Variants in LARGE1 observed in about 807,000 individuals in gnomAD.
LARGE1 encodes the protein LARGE xylosyl- and glucuronyltransferase 1.
A neutral mutation model predicts 87.6 loss-of-function variants in LARGE1; 43 were observed. The observed-to-expected ratio is 0.49, with a 90% CI of 0.38 to 0.63. The LOEUF (loss-of-function observed/expected upper bound fraction) is 0.63. LARGE1 is among the 30% of genes least tolerant of loss of function. LARGE1 has a pLI of 0.00. For missense variants in LARGE1, 802 were observed against 1,000.2 expected (o/e 0.80, Z 2.67); for synonymous variants, 434 against 394.6 (o/e 1.10, Z -1.18).
At chr22:33,757,899 C>T (rs962377652) in intron 2 of LARGE1, among the ~76,000 whole-genome samples, 5 of 152,136 alleles carry the variant, frequency 3.3e-5, no homozygotes, top group African/African-American at 1.2e-4. Context: ...GGAGGCATTG[C>T]CTTTGTGTTC....
intron 7 of LARGE1, among the ~76,000 whole-genome samples, chr22:33,431,085 T>TC (rs2067063586): frequency 6.6e-6 from 1 of 152,146 alleles, no homozygotes; most frequent in African/African-American, 2.4e-5. Context: ...CTGACAAAGA[T>TC]CAGGAGTCTG....
chr22:33,556,311 GT>G (rs1046863923), intron 6 of LARGE1, among the ~76,000 whole-genome samples: 3 of 151,886 alleles, frequency 2.0e-5, no homozygotes, highest in Non-Finnish European at 2.9e-5. Context: ...GACTTAAAGA[GT>G]TTTATGAAGG....
the LARGE1 span, among the ~76,000 whole-genome samples, chr22:33,095,218 A>T: frequency 2.0e-5 from 3 of 152,224 alleles, no homozygotes; most frequent in Non-Finnish European, 4.4e-5. Flanking sequence ...GGAGGCTAGA[A>T]GTGCTAAAAT....
At chr22:33,619,565 A>G (rs940322529) in intron 4 of LARGE1, among the ~76,000 whole-genome samples, 39 of 151,544 alleles carry the variant, frequency 2.6e-4, no homozygotes, top group Non-Finnish European at 4.0e-4. Context: ...AAAAAAAAAA[A>G]AAAAAAGAAA....
chr22:33,360,153 A>C (rs2064332539), intron 9 of LARGE1, among the ~76,000 whole-genome samples: 1 of 149,334 alleles, frequency 6.7e-6, no homozygotes, highest in South Asian at 2.2e-4. Flanking sequence ...TCTCTATTAA[A>C]AATACAAAAA....
At chr22:33,662,986 T>C (rs1363270114) in intron 2 of LARGE1, among the ~76,000 whole-genome samples, 1 of 152,176 alleles carries the variant, frequency 6.6e-6, no homozygotes, top group African/African-American at 2.4e-5. Context: ...TTGACTTACA[T>C]TAAAGTTATA....
intron 6 of LARGE1, among the ~76,000 whole-genome samples, chr22:33,533,947 C>A (rs1461921575): frequency 6.8e-6 from 1 of 148,096 alleles, no homozygotes; most frequent in Admixed American, 6.7e-5. Context: ...CTATCCATTT[C>A]TTTATTTTTT....
chr22:33,362,143 TC>T, intron 9 of LARGE1, among the ~76,000 whole-genome samples: 1 of 149,210 alleles, frequency 6.7e-6, no homozygotes, highest in South Asian at 2.2e-4. Context: ...CTTGGGCCCT[TC>T]CCTTCTCTTT....
At chr22:33,905,847 G>A (rs551906244) in intron 1 of LARGE1, among the ~76,000 whole-genome samples, 44 of 152,206 alleles carry the variant, frequency 2.9e-4, no homozygotes, top group Admixed American at 7.2e-4. Flanking sequence ...AGGGAGGACA[G>A]GGCCTGGTGC....
intron 11 of LARGE1, among the ~76,000 whole-genome samples, chr22:33,203,066 A>ACTCTCTCTCTCTCTCTCTCT (rs35446457): frequency 6.5e-5 from 9 of 139,378 alleles, no homozygotes; most frequent in South Asian, 2.5e-4. Flanking sequence ...TAGAATCTAA[A>ACTCTCTCTCTCTCTCTCTCT]CTCTCTCTCT....
At chr22:33,854,434 C>T (rs915190428) in intron 1 of LARGE1, among the ~76,000 whole-genome samples, 8 of 152,158 alleles carry the variant, frequency 5.3e-5, no homozygotes, top group Non-Finnish European at 1.0e-4. Flanking sequence ...GACCTTTCAC[C>T]ATCGGCTCAC....
chr22:33,848,587 A>G (rs1273081799), intron 1 of LARGE1, among the ~76,000 whole-genome samples: 1 of 152,060 alleles, frequency 6.6e-6, no homozygotes, highest in East Asian at 1.9e-4. Context: ...CTCTTCCTGA[A>G]GCCGCGTTGT....
At position 33,888,599 on chromosome 22, in the gene LARGE1, T is replaced by C. The variant is rs778133224; in HGVS notation, c.-83+31396A>G. Among the ~76,000 whole-genome samples, 3 of 152,334 alleles carry C rather than the reference T, an allele frequency of 2.0e-5. No homozygotes were observed. The East Asian group carries it at 5.8e-4, about 29-fold the overall frequency. On this transcript the variant is annotated intron_variant, in intron 1 of 14. Coordinates refer to ENST00000397394, the MANE Select transcript of LARGE1 (RefSeq NM_133642.5). ...GGCTGGGTGCAGTGGCTCACCGCTGTAATCCCAGCACTTTGGGAGGCCGAG... is the reference window on the plus strand; with the variant it reads ...GGCTGGGTGCAGTGGCTCACCGCTGCAATCCCAGCACTTTGGGAGGCCGAG...
Position 33,273,751 on chromosome 22 carries a change from C to T in LARGE1, c.*676G>A. ...GGCAGCTGATTTTCCTTTAGAGCCT[C>T]AAAGGATCAGATTTTCTATTTTGGA... On this transcript the variant is annotated 3_prime_UTR_variant, in exon 15 of 15. Transcript: ENST00000397394. 2.5e-6 allele frequency: 1 copy of T among 398,524 alleles called. No individual in the cohort carries two copies. 24.7% of individuals were successfully genotyped at this position (398,524 alleles called of 1,614,324 possible).
At chr22:33,346,827 T>C (rs1939821312) in intron 9 of LARGE1, among the ~76,000 whole-genome samples, 1 of 152,180 alleles carries the variant, frequency 6.6e-6, no homozygotes, top group African/African-American at 2.4e-5. Flanking sequence ...ATGATCCAAG[T>C]CTCTGATTTC....
intron 1 of LARGE1, among the ~76,000 whole-genome samples, chr22:33,765,750 T>G (rs1381908509): frequency 6.7e-6 from 1 of 148,464 alleles, no homozygotes; most frequent in Non-Finnish European, 1.5e-5. Flanking sequence ...AATTTAAACT[T>G]TTAAAGGAAG....
chr22:33,260,231 C>T (rs1442402143), intron 11 of LARGE1, among the ~76,000 whole-genome samples: 1 of 152,234 alleles, frequency 6.6e-6, no homozygotes, highest in African/African-American at 2.4e-5. Context: ...CCCCTGTGGC[C>T]CTGTAAGGCG....
At chr22:33,858,176 G>C (rs777860162) in intron 1 of LARGE1, among the ~76,000 whole-genome samples, 1 of 152,178 alleles carries the variant, frequency 6.6e-6, no homozygotes, top group Non-Finnish European at 1.5e-5. Flanking sequence ...CAGGAACAAC[G>C]GCAAGCCTTT....
chr22:33,454,182 T>C (rs5754562), intron 6 of LARGE1, among the ~76,000 whole-genome samples: 31,232 of 152,128 alleles, frequency 0.21, 3,337 homozygotes, highest in East Asian at 0.27. Flanking sequence ...ACAGAGTTTC[T>C]GTGCTGTTTT....
Sources: gnomAD v4.1 joint callset for allele counts (sites outside exome capture counted in the v4.1 genomes callset) on GRCh38, gnomAD v4.1.1 for gene constraint, MANE v1.5 for transcripts, NCBI Gene and HGNC (gene_info 2026-07-23, HGNC 2026-07-21) for gene names.